Variants in CTDSPL2 observed in about 807,000 individuals in gnomAD.
The protein encoded by CTDSPL2 is CTD small phosphatase-like protein 2.
In CTDSPL2, 5 loss-of-function variants were observed where a neutral mutation model predicts 60.0. That is an observed-to-expected ratio of 0.08 (90% CI 0.04 to 0.18). CTDSPL2 has a LOEUF of 0.18. Ranked by LOEUF, CTDSPL2 falls within the 10% of genes least tolerant of loss-of-function variation. The pLI is 1.00. For synonymous variants in CTDSPL2, 186 were observed against 189.3 expected (o/e 0.98, Z 0.14); for missense variants, 370 against 548.8 (o/e 0.67, Z 3.26).
chr15:44,480,863 A>C (rs1201673021), intron 2 of CTDSPL2, among the ~76,000 whole-genome samples: 1 of 152,170 alleles, frequency 6.6e-6, no homozygotes, highest in Non-Finnish European at 1.5e-5. Flanking sequence ...TACAGATTTT[A>C]GAGAAGACAT....
chr15:44,437,660 C>A (rs932531114), intron 1 of CTDSPL2, among the ~76,000 whole-genome samples: 1 of 152,058 alleles, frequency 6.6e-6, no homozygotes, highest in Non-Finnish European at 1.5e-5. Context: ...TGGCTTAGTT[C>A]AACAAAGATT....
intron 12 of CTDSPL2, among the ~76,000 whole-genome samples, chr15:44,523,057 C>T (rs1351228558): frequency 6.6e-6 from 1 of 151,934 alleles, no homozygotes; most frequent in African/African-American, 2.4e-5. Flanking sequence ...AGTGCAGTGG[C>T]GCAATCTCGG....
At chr15:44,474,819 G>A (rs1001839329) in intron 2 of CTDSPL2, among the ~76,000 whole-genome samples, 1 of 152,112 alleles carries the variant, frequency 6.6e-6, no homozygotes, top group Non-Finnish European at 1.5e-5. Flanking sequence ...TCACTCCATT[G>A]CACTCTAGCC....
intron 2 of CTDSPL2, among the ~76,000 whole-genome samples, chr15:44,463,560 A>G (rs542130037): frequency 8.5e-5 from 13 of 152,338 alleles, no homozygotes; most frequent in African/African-American, 2.9e-4. Flanking sequence ...TATTATTGAA[A>G]TTAATATTTG....
At chr15:44,506,012 G>C (rs978988861) in intron 8 of CTDSPL2, among the ~76,000 whole-genome samples, 3 of 143,738 alleles carry the variant, frequency 2.1e-5, no homozygotes, top group African/African-American at 7.8e-5. Context: ...TGAAAATTAT[G>C]CTTCATTGGT....
intron 2 of CTDSPL2, among the ~76,000 whole-genome samples, chr15:44,481,542 T>C (rs1309406949): frequency 6.6e-6 from 1 of 152,200 alleles, no homozygotes; most frequent in African/African-American, 2.4e-5. Flanking sequence ...CCAGTTCAGC[T>C]GCTACATAGG....
At chr15:44,487,725 A>G (rs74009188) in intron 4 of CTDSPL2, among the ~76,000 whole-genome samples, 2,848 of 152,336 alleles carry the variant, frequency 0.019, 100 homozygotes, top group African/African-American at 0.066. Flanking sequence ...TAATAGAGCT[A>G]ACATAGTAAG....
At chr15:44,486,770 T>C in intron 4 of CTDSPL2, 70 bp downstream of exon 4, 2 of 1,239,576 alleles carry the variant, frequency 1.6e-6, no homozygotes, top group Non-Finnish European at 2.2e-6. Flanking sequence ...TTTTTTTTTT[T>C]TTTTTTCTTG....
chr15:44,489,144 C>T (rs1312708058), intron 4 of CTDSPL2, among the ~76,000 whole-genome samples: 1 of 150,034 alleles, frequency 6.7e-6, no homozygotes, highest in Non-Finnish European at 1.5e-5. Context: ...CCCCTCCCCC[C>T]CACCTACCTC....
chr15:44,480,697 A>G (rs564494210), intron 2 of CTDSPL2, among the ~76,000 whole-genome samples: 5 of 151,964 alleles, frequency 3.3e-5, no homozygotes, highest in African/African-American at 9.6e-5. Flanking sequence ...ACAGGGCGTG[A>G]TGTTATGTGT....
At chr15:44,522,294 A>G (rs747889932) in intron 12 of CTDSPL2, among the ~76,000 whole-genome samples, 1 of 152,150 alleles carries the variant, frequency 6.6e-6, no homozygotes, top group African/African-American at 2.4e-5. Flanking sequence ...TCAGCCTCCC[A>G]TAATGCTGGG....
At chr15:44,450,985 AT>A (rs1163176078) in intron 1 of CTDSPL2, among the ~76,000 whole-genome samples, 1 of 152,194 alleles carries the variant, frequency 6.6e-6, no homozygotes, top group Non-Finnish European at 1.5e-5. Context: ...AATTATAAAT[AT>A]TGATTAAAAT....
At chr15:44,510,554 A>G (rs909503505) in intron 8 of CTDSPL2, among the ~76,000 whole-genome samples, 1 of 152,198 alleles carries the variant, frequency 6.6e-6, no homozygotes, top group African/African-American at 2.4e-5. Flanking sequence ...CATGTATACT[A>G]GACTGAAATG....
chr15:44,461,578 T>TC (rs1450114349), intron 2 of CTDSPL2, among the ~76,000 whole-genome samples: 9 of 147,370 alleles, frequency 6.1e-5, no homozygotes, highest in African/African-American at 1.8e-4. Flanking sequence ...TCTCCCTTTT[T>TC]TTTTTTTTTT....
intron 10 of CTDSPL2, among the ~76,000 whole-genome samples, chr15:44,515,478 T>G (rs2081633604): frequency 6.6e-6 from 1 of 152,086 alleles, no homozygotes; most frequent in Non-Finnish European, 1.5e-5. Flanking sequence ...TGAAGTGAGA[T>G]AGTAAGACTG....
chr15:44,515,113 TG>T (rs148042793), intron 10 of CTDSPL2, among the ~76,000 whole-genome samples: 1 of 151,836 alleles, frequency 6.6e-6, no homozygotes, highest in African/African-American at 2.4e-5. Flanking sequence ...AGACGGGGGT[TG>T]GGGGGGTTGT....
chr15:44,485,697 G>C (rs1567087132), intron 3 of CTDSPL2, among the ~76,000 whole-genome samples: 1 of 152,194 alleles, frequency 6.6e-6, no homozygotes, highest in Non-Finnish European at 1.5e-5. Flanking sequence ...CCCTGCTTTA[G>C]AGTATGGAGT....
At chr15:44,456,434 A>G (rs1292915266) in intron 1 of CTDSPL2, among the ~76,000 whole-genome samples, 4 of 152,184 alleles carry the variant, frequency 2.6e-5, no homozygotes, top group Admixed American at 6.5e-5. Context: ...TTATTGTTCT[A>G]TTCAGAGATT....
intron 2 of CTDSPL2, among the ~76,000 whole-genome samples, chr15:44,461,000 G>GT (rs2080555136): frequency 6.6e-6 from 1 of 152,032 alleles, no homozygotes; most frequent in East Asian, 1.9e-4. Context: ...CTTTTTTGTA[G>GT]TTTTTTCCAC....
Sources: allele counts gnomAD v4.1 joint callset (sites outside exome capture counted in the v4.1 genomes callset), GRCh38; gene constraint gnomAD v4.1.1; transcripts MANE v1.5; gene names NCBI Gene and HGNC (gene_info 2026-07-23, HGNC 2026-07-21).